Variants in CFAP54 observed in about 807,000 individuals in gnomAD.
CFAP54 encodes the protein cilia and flagella associated protein 54, also known as cilia- and flagella-associated protein 54.
A neutral mutation model predicts 370.4 loss-of-function variants in CFAP54; 290 were observed. The ratio of observed to expected loss-of-function variants is 0.78; its 90% CI spans 0.71 to 0.86. The LOEUF (loss-of-function observed/expected upper bound fraction) is 0.86. Among genes scored for constraint, CFAP54 ranks in the 40% least tolerant of loss-of-function variants. CFAP54 has a pLI of 0.00. For synonymous variants in CFAP54, 1,206 were observed against 1,236.5 expected (o/e 0.98, Z 0.52); for missense variants, 3,399 against 3,528.7 (o/e 0.96, Z 0.93).
intron 50 of CFAP54, among the ~76,000 whole-genome samples, chr12:96,731,578 G>A (rs529850463): frequency 6.6e-6 from 1 of 152,244 alleles, no homozygotes; most frequent in Non-Finnish European, 1.5e-5. Context: ...ACTTTCACAG[G>A]AAAACTAGAA....
At chr12:96,873,406 C>T (rs1425765407) in intron 67 of CFAP54, among the ~76,000 whole-genome samples, 1 of 152,208 alleles carries the variant, frequency 6.6e-6, no homozygotes, top group Non-Finnish European at 1.5e-5. Context: ...GTTCATGTAA[C>T]TGAAGATTCC....
At chr12:96,866,096 A>G (rs1959999383) in intron 67 of CFAP54, among the ~76,000 whole-genome samples, 1 of 152,116 alleles carries the variant, frequency 6.6e-6, no homozygotes, top group South Asian at 2.1e-4. Context: ...ATTTACTTGT[A>G]AAATCCATCT....
intron 23 of CFAP54, among the ~76,000 whole-genome samples, chr12:96,591,747 C>G (rs1226124147): frequency 6.6e-6 from 1 of 151,616 alleles, no homozygotes; most frequent in African/African-American, 2.4e-5. Flanking sequence ...AAAAATTAGC[C>G]GGGCATGGTG....
At chr12:96,663,362 C>G (rs531698257) in intron 38 of CFAP54, among the ~76,000 whole-genome samples, 1 of 152,168 alleles carries the variant, frequency 6.6e-6, no homozygotes, top group East Asian at 1.9e-4. Context: ...TTTCTGTTTT[C>G]AGATATTTTA....
intron 63 of CFAP54, among the ~76,000 whole-genome samples, chr12:96,808,848 A>G (rs373078976): frequency 3.9e-5 from 6 of 152,336 alleles, no homozygotes; most frequent in South Asian, 4.1e-4. Context: ...CCAAGGGCCA[A>G]TACCATGACT....
At chr12:96,600,082 A>G (rs1035029565) in intron 26 of CFAP54, among the ~76,000 whole-genome samples, 2 of 152,178 alleles carry the variant, frequency 1.3e-5, no homozygotes, top group Non-Finnish European at 2.9e-5. Flanking sequence ...GCCCATGCCT[A>G]TGTCCTGAAT....
chr12:96,506,359 A>G (rs1955100633), intron 3 of CFAP54, among the ~76,000 whole-genome samples: 1 of 149,922 alleles, frequency 6.7e-6, no homozygotes, highest in African/African-American at 2.5e-5. Context: ...AAAAAAATTG[A>G]TTCAATTCTG....
At chr12:96,819,262 C>T (rs1387819403) in intron 65 of CFAP54, among the ~76,000 whole-genome samples, 3 of 152,170 alleles carry the variant, frequency 2.0e-5, no homozygotes, top group Non-Finnish European at 4.4e-5. Flanking sequence ...GTGGGTGGCA[C>T]ATTCATCATG....
chr12:96,691,527 T>G (rs763511490), intron 44 of CFAP54, among the ~76,000 whole-genome samples: 15 of 152,220 alleles, frequency 9.9e-5, no homozygotes, highest in Non-Finnish European at 1.3e-4. Context: ...TGACTTTTTC[T>G]CCTTTTACTG....
At chr12:96,680,941 G>T (rs967045174) in intron 40 of CFAP54, among the ~76,000 whole-genome samples, 1 of 152,038 alleles carries the variant, frequency 6.6e-6, no homozygotes, top group Non-Finnish European at 1.5e-5. Context: ...AAAATTAACC[G>T]GTGTGGTGGC....
chr12:96,770,188 A>ATTTG (rs1958446813), intron 60 of CFAP54, among the ~76,000 whole-genome samples: 1 of 150,940 alleles, frequency 6.6e-6, no homozygotes, highest in African/African-American at 2.4e-5. Context: ...TGAAGGTGGG[A>ATTTG]TGTGTGTGTG....
At chr12:96,499,906 ACTGCACTCCAGC>A (rs142282436) in intron 1 of CFAP54, among the ~76,000 whole-genome samples, 2,430 of 152,214 alleles carry the variant, frequency 0.016, 66 homozygotes, top group African/African-American at 0.054. Context: ...AGATCGTGCC[ACTGCACTCCAGC>A]CTGTGTGACA....
rs1430406156 is a variant in CFAP54 at position 96,727,159 on chromosome 12, T to A, written c.6965+6594T>A. Among the ~76,000 whole-genome samples the A allele has an allele frequency of 2.6e-5, 4 of 152,028 alleles. No individual in the cohort carries two copies. In the South Asian group the frequency reaches 8.3e-4, roughly 32 times the overall value. On this transcript the variant is annotated intron_variant, in intron 50 of 67. Coordinates refer to ENST00000524981, the MANE Select transcript of CFAP54 (RefSeq NM_001306084.2). ...GAAAAAAATGTATATTCTGTTGATT[T>A]GGGGTGGAGAGTTCTGTAGATGTCT...
intron 66 of CFAP54, among the ~76,000 whole-genome samples, chr12:96,838,050 C>T (rs573953359): frequency 1.3e-5 from 2 of 152,272 alleles, no homozygotes; most frequent in Non-Finnish European, 2.9e-5. Flanking sequence ...CCCATAATTA[C>T]AAATTTTAAT....
In CFAP54 at chr12:96,686,786, A is replaced by T. The variant is rs73379216; in HGVS notation, c.6014+1548A>T. ...TGGTGGGGACGTATATTCAAACTAT[A>T]TCACTAAGAGTTAGGACTTCAACAT... On this transcript the variant is annotated intron_variant, in intron 42 of 67. Transcript: ENST00000524981. 3.8e-3 allele frequency among the ~76,000 whole-genome samples: 581 copies of T among 152,298 alleles called. 9 individuals carry two copies. The highest frequency in any genetic ancestry group is 0.013 in the African/African-American group (558 of 41,560).
At chr12:96,714,781 A>T (rs1487965173) in intron 48 of CFAP54, among the ~76,000 whole-genome samples, 3 of 149,436 alleles carry the variant, frequency 2.0e-5, no homozygotes, top group South Asian at 2.1e-4. Flanking sequence ...AAGAGGGTTT[A>T]AAAAAAAAAC....
chr12:96,506,732 A>G lies in CFAP54; in HGVS notation c.568-196A>G, dbSNP rs1426959135. ...CTCCTGAGTAGCTGGGATTACACGC[A>G]TGTGCCACCACGCCCAGCTAATTTT... On this transcript the variant is annotated intron_variant, in intron 3 of 67. Coordinates refer to ENST00000524981, the MANE Select transcript of CFAP54 (RefSeq NM_001306084.2). Among the ~76,000 whole-genome samples, 4 of 151,816 alleles carry G rather than the reference A, an allele frequency of 2.6e-5. No individual in the cohort carries two copies. The East Asian group carries it at 7.7e-4, about 29-fold the overall frequency.
chr12:96,818,513 C>T (rs1025733945), intron 65 of CFAP54, among the ~76,000 whole-genome samples: 5 of 152,146 alleles, frequency 3.3e-5, no homozygotes, highest in African/African-American at 1.2e-4. Flanking sequence ...ATGTCAGCAT[C>T]ATTACTGATA....
chr12:96,846,914 A>G (rs1325256395), intron 66 of CFAP54, among the ~76,000 whole-genome samples: 3 of 152,154 alleles, frequency 2.0e-5, no homozygotes, highest in East Asian at 3.9e-4. Flanking sequence ...TGGGTGTCCA[A>G]TGATTCCATT....
Sources: allele counts gnomAD v4.1 joint callset (sites outside exome capture counted in the v4.1 genomes callset), GRCh38; gene constraint gnomAD v4.1.1; transcripts MANE v1.5; gene names NCBI Gene and HGNC (gene_info 2026-07-23, HGNC 2026-07-21).